The following NFXL1 variants were observed in gnomAD, a reference collection of about 807,000 sequenced individuals.
NFXL1 encodes nuclear transcription factor, X-box binding like 1, also known as NF-X1-type zinc finger protein NFXL1.
Under a neutral mutation model 123.3 loss-of-function variants are expected in NFXL1, and 66 were observed. The ratio of observed to expected loss-of-function variants is 0.54; its 90% confidence interval spans 0.44 to 0.66. The LOEUF is 0.66. Ranked by LOEUF, NFXL1 falls within the 30% of genes least tolerant of loss-of-function variation. NFXL1 has a pLI of 0.00. For synonymous variants in NFXL1, 346 were observed against 360.8 expected (o/e 0.96, Z 0.46); for missense variants, 944 against 1,125.6 (o/e 0.84, Z 2.31).
intron 3 of NFXL1, among the ~76,000 whole-genome samples, chr4:47,906,441 C>T (rs767750558): frequency 5.9e-5 from 9 of 152,060 alleles, no homozygotes; most frequent in South Asian, 2.1e-4. Flanking sequence ...TGAGTAAACA[C>T]GGCACTTACA....
chr4:47,908,300 T>C (rs541461367), intron 3 of NFXL1, among the ~76,000 whole-genome samples: 42 of 152,210 alleles, frequency 2.8e-4, no homozygotes, highest in African/African-American at 1.0e-3. Flanking sequence ...GGTGTGTGCT[T>C]GCAGTACCAG....
At chr4:47,896,832 G>C (rs1464690167) in intron 9 of NFXL1, 185 bp from the exon 10 acceptor site, 6 of 510,408 alleles carry the variant, frequency 1.2e-5, no homozygotes, top group Non-Finnish European at 2.1e-5. Flanking sequence ...GAAGTTTATG[G>C]TTTTTAAAAA....
intron 19 of NFXL1, among the ~76,000 whole-genome samples, chr4:47,856,485 C>T (rs1414178249): frequency 1.4e-5 from 2 of 139,670 alleles, no homozygotes; most frequent in Admixed American, 1.4e-4. Context: ...TAATCCCTAA[C>T]AAAGATCCCT....
chr4:47,860,368 GT>G (rs1202704624), intron 19 of NFXL1, among the ~76,000 whole-genome samples: 1 of 152,174 alleles, frequency 6.6e-6, no homozygotes, highest in Non-Finnish European at 1.5e-5. Flanking sequence ...GTGGGGCACA[GT>G]TTAAAGGTAT....
chr4:47,858,730 T>G (rs1734558473), intron 19 of NFXL1, among the ~76,000 whole-genome samples: 1 of 152,210 alleles, frequency 6.6e-6, no homozygotes, highest in Non-Finnish European at 1.5e-5. Context: ...GTGGTCACCC[T>G]ATAGGATAGA....
At chr4:47,913,731 G>C (rs557711702) in intron 2 of NFXL1, among the ~76,000 whole-genome samples, 1 of 151,912 alleles carries the variant, frequency 6.6e-6, no homozygotes, top group African/African-American at 2.4e-5. Flanking sequence ...GTAGGCAAGA[G>C]TGGAGGGAAG....
intron 15 of NFXL1, among the ~76,000 whole-genome samples, chr4:47,880,233 CA>C (rs1165046905): frequency 6.6e-6 from 1 of 151,560 alleles, no homozygotes; most frequent in Non-Finnish European, 1.5e-5. Flanking sequence ...CCTGTCTCTA[CA>C]AAAAATTAAA....
intron 2 of NFXL1, among the ~76,000 whole-genome samples, chr4:47,912,175 A>G (rs2110111417): frequency 6.6e-6 from 1 of 152,302 alleles, no homozygotes; most frequent in East Asian, 1.9e-4. Context: ...GCAAGCTTTG[A>G]GTACTGGGAA....
At chr4:47,888,262 G>C (rs1736564636) in intron 12 of NFXL1, among the ~76,000 whole-genome samples, 1 of 152,186 alleles carries the variant, frequency 6.6e-6, no homozygotes, top group South Asian at 2.1e-4. Flanking sequence ...GACAGAGAGA[G>C]ACTCCGTCTC....
chr4:47,855,266 T>C, intron 19 of NFXL1, 103 bp from the exon 20 acceptor site: 1 of 594,492 alleles, frequency 1.7e-6, no homozygotes, highest in Non-Finnish European at 3.0e-6. Context: ...ACACAAAGGG[T>C]CAATCAATCC....
chr4:47,858,756 T>C (rs1247036286), intron 19 of NFXL1, among the ~76,000 whole-genome samples: 1 of 152,184 alleles, frequency 6.6e-6, no homozygotes, highest in Non-Finnish European at 1.5e-5. Context: ...GGAACTACAG[T>C]CAGACAGGGA....
intron 13 of NFXL1, 81 bp downstream of exon 13, chr4:47,885,798 C>A: frequency 6.7e-7 from 1 of 1,498,076 alleles, no homozygotes; most frequent in South Asian, 1.3e-5. Flanking sequence ...AACACTAAAG[C>A]AAAATTAAAT....
At chr4:47,850,689 G>C (rs1320921532) in intron 22 of NFXL1, among the ~76,000 whole-genome samples, 1 of 152,054 alleles carries the variant, frequency 6.6e-6, no homozygotes, top group Non-Finnish European at 1.5e-5. Flanking sequence ...GCACTTATTT[G>C]TTATAGGTGG....
intron 18 of NFXL1, among the ~76,000 whole-genome samples, chr4:47,864,627 C>T (rs1161967025): frequency 6.6e-6 from 1 of 152,094 alleles, no homozygotes; most frequent in African/African-American, 2.4e-5. Flanking sequence ...AGTGTCCATA[C>T]TTCAATCATG....
At chr4:47,861,822 G>A (rs1734785633) in intron 19 of NFXL1, among the ~76,000 whole-genome samples, 1 of 152,006 alleles carries the variant, frequency 6.6e-6, no homozygotes, top group African/African-American at 2.4e-5. Context: ...ATAAAAAGTG[G>A]TCCAAAGCCT....
At chr4:47,900,765 T>G (rs1205313454) in intron 5 of NFXL1, among the ~76,000 whole-genome samples, 1 of 152,218 alleles carries the variant, frequency 6.6e-6, no homozygotes, top group African/African-American at 2.4e-5. Context: ...TTCTTTTGTA[T>G]CATATACAAA....
chr4:47,856,799 T>C (rs947004336), intron 19 of NFXL1, among the ~76,000 whole-genome samples: 2 of 152,216 alleles, frequency 1.3e-5, no homozygotes, highest in Admixed American at 6.5e-5. Context: ...GTTTTGTTTT[T>C]CCCTTTATCT....
At chr4:47,901,714 C>T (rs1031075699) in intron 5 of NFXL1, among the ~76,000 whole-genome samples, 1 of 152,116 alleles carries the variant, frequency 6.6e-6, no homozygotes, top group Non-Finnish European at 1.5e-5. Flanking sequence ...AGTAAGAAAT[C>T]CTAGGTTTCA....
intron 11 of NFXL1, among the ~76,000 whole-genome samples, chr4:47,891,098 TTC>T (rs1478935511): frequency 6.7e-6 from 1 of 149,520 alleles, no homozygotes; most frequent in African/African-American, 2.4e-5. Flanking sequence ...GTTATTTATT[TTC>T]TTTTTCTTTT....
Sources: allele counts gnomAD v4.1 joint callset (sites outside exome capture counted in the v4.1 genomes callset), GRCh38; gene constraint gnomAD v4.1.1; transcripts MANE v1.5; gene names NCBI Gene and HGNC (gene_info 2026-07-23, HGNC 2026-07-21).